SLFN5: variants seen among roughly 807,000 people sequenced by gnomAD.
SLFN5 encodes the protein schlafen family member 5.
A neutral mutation model predicts 48.5 loss-of-function variants in SLFN5; 34 were observed. The ratio of observed to expected loss-of-function variants is 0.70; its 90% confidence interval spans 0.53 to 0.93. SLFN5 has a LOEUF of 0.93. SLFN5 is among the 40% of genes least tolerant of loss of function. The pLI is 0.00. For synonymous variants in SLFN5, 387 were observed against 396.2 expected, an observed-to-expected ratio of 0.98 and a Z score of 0.28; for missense variants, 1,006 against 1,071.3, an observed-to-expected ratio of 0.94 and a Z score of 0.85.
intron 1 of SLFN5, among the ~76,000 whole-genome samples, chr17:35,244,788 C>T (rs979785576): frequency 1.3e-5 from 2 of 152,014 alleles, no homozygotes; most frequent in African/African-American, 4.8e-5. Flanking sequence ...ACAAAAAATG[C>T]AAAAATTAGC....
chr17:35,257,139 T>C (rs938064282), intron 1 of SLFN5, among the ~76,000 whole-genome samples: 3 of 152,170 alleles, frequency 2.0e-5, no homozygotes, highest in African/African-American at 4.8e-5. Context: ...TCCAAGAAAC[T>C]GATCCTGGGG....
In SLFN5 at chr17:35,272,834, C is replaced by CT. The variant is rs1039038675; in HGVS notation, c.*6949dup. ...CAAAATTACTCAGATTGGTAACAAA[C>CT]TTTAAGGGGGAAAGCACTTCCATGC... On this transcript the variant is annotated 3_prime_UTR_variant, in exon 5 of 5. Transcript: ENST00000299977. 2 of 152,146 alleles carry CT rather than the reference C, an allele frequency of 1.3e-5. No homozygotes were observed. Among genetic ancestry groups the CT allele is most frequent in the Non-Finnish European group, 2.9e-5 (2 of 68,020 alleles). 9.4% of individuals were successfully genotyped at this position (152,146 alleles called of 1,614,324 possible).
rs1031190805 is a variant in SLFN5 at position 35,267,611 on chromosome 17, T to A, written c.*1723T>A. ...GATGCACACCTGGAGTCCTAGCTAC[T>A]CAGAAGGCTGAGGCAGGACGATCAC... On this transcript the variant is annotated 3_prime_UTR_variant, in exon 5 of 5. Coordinates refer to ENST00000299977, the MANE Select transcript of SLFN5 (RefSeq NM_144975.4). The A allele has an allele frequency of 1.3e-5, 2 of 152,118 alleles. No homozygotes were observed. The highest frequency in any genetic ancestry group is 2.9e-5 in the Non-Finnish European group (2 of 68,108). The allele number at this position is 152,118 out of a possible 1,614,324, so 9.4% of individuals were successfully genotyped here.
At chr17:35,250,937 T>A (rs1050083620) in intron 1 of SLFN5, among the ~76,000 whole-genome samples, 1 of 152,154 alleles carries the variant, frequency 6.6e-6, no homozygotes, top group Non-Finnish European at 1.5e-5. Flanking sequence ...TTATTGTAAA[T>A]CCCTCACAAA....
At position 35,259,510 on chromosome 17, in the gene SLFN5, A is replaced by G. The variant is rs749189211; in HGVS notation, c.820A>G (p.Ile274Val). The G allele has an allele frequency of 6.2e-7, 1 of 1,614,224 alleles. No individual in the cohort carries two copies. The highest frequency in any genetic ancestry group is 1.7e-5 in the Admixed American group (1 of 60,028). The change falls in exon 2 of 5, where the codon ATA becomes GTA. Residue 274 changes from isoleucine to valine, a missense_variant. Physicochemically the swap from Ile to Val is conservative, Grantham distance 29. Transcript: ENST00000299977. ...VHHFCTQRPE[I>V]KYVLNFLEVH... ...TCATTTCTGCACACAGAGGCCTGAG[A>G]TAAAATATGTCCTTAACTTCCTTGA...
chr17:35,260,025 A>G (rs981678199), intron 2 of SLFN5, among the ~76,000 whole-genome samples: 1 of 152,256 alleles, frequency 6.6e-6, no homozygotes, highest in South Asian at 2.1e-4. Flanking sequence ...TTATTTTTCA[A>G]TTATGAGCTT....
chr17:35,245,720 G>C (rs2092429148), intron 1 of SLFN5, among the ~76,000 whole-genome samples: 1 of 151,858 alleles, frequency 6.6e-6, no homozygotes, highest in Non-Finnish European at 1.5e-5. Context: ...ATCAATATTG[G>C]CTTCTTCATT....
chr17:35,264,721 A>G lies in SLFN5; in HGVS notation c.1677A>G (p.Lys559=). The change falls in exon 4 of 5, where the codon AAA becomes AAG. Residue 559 remains lysine, a synonymous_variant. Transcript: ENST00000299977. ...AGGTTTTGAACCTACTGACAAATAAACAGTATGAGTTGCTTTCAAAGAACC... is the reference window on the plus strand; with the variant it reads ...AGGTTTTGAACCTACTGACAAATAAGCAGTATGAGTTGCTTTCAAAGAACC... ...GSEVLNLLTN[K]QYELLSKNLR... is the part of the protein sequence containing the mutation. 2 of 1,606,648 alleles carry G rather than the reference A, an allele frequency of 1.2e-6. No homozygotes were observed. Among genetic ancestry groups the G allele is most frequent in the South Asian group, 2.2e-5 (2 of 90,004 alleles).
At position 35,272,431 on chromosome 17, in the gene SLFN5, G is replaced by A. The variant is rs1487980197; in HGVS notation, c.*6543G>A. On this transcript the variant is annotated 3_prime_UTR_variant, in exon 5 of 5. Coordinates refer to ENST00000299977, the MANE Select transcript of SLFN5 (RefSeq NM_144975.4). ...ACCAAGTTTTTAAAAGTAAAAATAT[G>A]GAATCATGGAAGTGCATGAAGAAGA... 1 of 151,880 alleles carries A rather than the reference G, an allele frequency of 6.6e-6. No homozygotes were observed. The highest frequency in any genetic ancestry group is 1.5e-5 in the Non-Finnish European group (1 of 67,984). The allele number at this position is 151,880 out of a possible 1,614,324, so 9.4% of individuals were successfully genotyped here.
At chr17:35,249,691 C>T (rs947163755) in intron 1 of SLFN5, among the ~76,000 whole-genome samples, 3 of 152,176 alleles carry the variant, frequency 2.0e-5, no homozygotes, top group African/African-American at 7.2e-5. Context: ...GATATCATGC[C>T]TATGAGTTTA....
rs1236259781 is a variant in SLFN5 at position 35,271,856 on chromosome 17, C to T, written c.*5968C>T. 1 of 152,110 alleles carries T rather than the reference C, an allele frequency of 6.6e-6. No individual in the cohort carries two copies. Among genetic ancestry groups the T allele is most frequent in the Non-Finnish European group, 1.5e-5 (1 of 68,060 alleles). The allele number at this position is 152,110 out of a possible 1,614,324, so 9.4% of individuals were successfully genotyped here. A position where few individuals can be genotyped will look rare whatever the true frequency, so the allele number is the denominator to read the frequency against. On this transcript the variant is annotated 3_prime_UTR_variant, in exon 5 of 5. Coordinates refer to ENST00000299977, the MANE Select transcript of SLFN5 (RefSeq NM_144975.4). ...ACCAGCCTGGACAACATGGTGAAAT[C>T]CCGTCTCTATTTAAAATGCAAGAAA...
In SLFN5 at chr17:35,255,996, G is replaced by A. The variant is rs9915844; in HGVS notation, c.-40-2655G>A. Among the ~76,000 whole-genome samples the A allele has an allele frequency of 7.3e-3, 1,115 of 152,220 alleles. 15 individuals are homozygous for A. The highest frequency in any genetic ancestry group is 0.025 in the African/African-American group (1,046 of 41,530). ...CCTGTTTTTGAACTTCATATAAATG[G>A]AATCATAATAGATGTATTCTGTGGT... On this transcript the variant is annotated intron_variant, in intron 1 of 4. Coordinates refer to ENST00000299977, the MANE Select transcript of SLFN5 (RefSeq NM_144975.4).
rs755007574 is a variant in SLFN5, at chr17:35,258,879, GAA to G, written c.190_191del (p.Asn64GlnfsTer6). On this transcript the variant is annotated frameshift_variant, in exon 2 of 5. Coordinates refer to ENST00000299977, the MANE Select transcript of SLFN5 (RefSeq NM_144975.4). LOFTEE classifies it high-confidence loss of function. ...GGGIIKAEIE[N>X]KGYNYERHGV... ...GGGGCATAATCAAGGCTGAGATTGA[GAA>G]CAAAGGCTACAATTATGAACGTCAT... The G allele has an allele frequency of 3.7e-6, 6 of 1,614,182 alleles. No homozygotes were observed. The highest frequency in any genetic ancestry group is 5.1e-6 in the Non-Finnish European group (6 of 1,180,042).
At chr17:35,256,463 A>G (rs1904345470) in intron 1 of SLFN5, among the ~76,000 whole-genome samples, 1 of 152,220 alleles carries the variant, frequency 6.6e-6, no homozygotes, top group Admixed American at 6.5e-5. Context: ...GCTATTTTGA[A>G]CAGCAATCCT....
At chr17:35,248,062 T>G (rs1213914531) in intron 1 of SLFN5, among the ~76,000 whole-genome samples, 1 of 152,188 alleles carries the variant, frequency 6.6e-6, no homozygotes, top group Non-Finnish European at 1.5e-5. Flanking sequence ...CTACTGATGG[T>G]CAACAGCTCT....
intron 1 of SLFN5, among the ~76,000 whole-genome samples, chr17:35,248,664 C>T (rs900569194): frequency 3.3e-5 from 5 of 151,820 alleles, no homozygotes; most frequent in Non-Finnish European, 7.4e-5. Context: ...CTCTGAATAT[C>T]CATCCCTCTC....
Position 35,259,254 on chromosome 17 carries a change from C to T in SLFN5, c.564C>T (p.Asn188=), listed in dbSNP as rs1222303980. Reference sequence around the variant, plus strand: ...GGCTTCAGTATCTGGAAAAACTCAACCTTCCTGAGTCCACACATGTTGAAT... The same window carrying T: ...GGCTTCAGTATCTGGAAAAACTCAATCTTCCTGAGTCCACACATGTTGAAT... ...RKRLQYLEKL[N]LPESTHVEFV... is the part of the protein sequence containing the mutation. The change falls in exon 2 of 5, where the codon AAC becomes AAT. Residue 188 remains asparagine, a synonymous_variant. Transcript: ENST00000299977. 2 of 1,614,134 alleles carry T rather than the reference C, an allele frequency of 1.2e-6. No individual in the cohort carries two copies. Among genetic ancestry groups the T allele is most frequent in the Admixed American group, 1.7e-5 (1 of 60,028 alleles).
chr17:35,264,525 T>G lies in SLFN5; in HGVS notation c.1481T>G (p.Val494Gly). The G allele has an allele frequency of 6.2e-7, 1 of 1,614,134 alleles. No individual in the cohort carries two copies. The highest frequency in any genetic ancestry group is 8.5e-7 in the Non-Finnish European group (1 of 1,180,020). ...YTGRLCITPL[V>G]CVLNSDRKAQ... ...GGGAGGTTATGCATCACCCCCTTGG[T>G]CTGTGTGCTGAATTCTGATAGAAAA... The change falls in exon 4 of 5, where the codon GTC becomes GGC. Residue 494 changes from valine (V) to glycine (G), a missense_variant. Physicochemically the swap from Val to Gly is moderately radical, Grantham distance 109. Coordinates refer to ENST00000299977, the MANE Select transcript of SLFN5 (RefSeq NM_144975.4).
Position 35,266,067 on chromosome 17 carries a change from C to A in SLFN5, c.*179C>A. ...CTTTAGGGCAGAGACAGACCACTGA[C>A]AAATACACAGATAGACAAGGAATTT... On this transcript the variant is annotated 3_prime_UTR_variant, in exon 5 of 5. Transcript: ENST00000299977. The A allele has an allele frequency of 3.2e-6, 2 of 624,642 alleles. No individual in the cohort carries two copies. Among genetic ancestry groups the A allele is most frequent in the South Asian group, 2.4e-5 (1 of 42,078 alleles). 38.7% of individuals were successfully genotyped at this position (624,642 alleles called of 1,614,324 possible). A position where few individuals can be genotyped will look rare whatever the true frequency, so the allele number is the denominator to read the frequency against.
Sources: gnomAD v4.1 joint callset for allele counts (sites outside exome capture counted in the v4.1 genomes callset) on GRCh38, gnomAD v4.1.1 for gene constraint, MANE v1.5 for transcripts, NCBI Gene and HGNC (gene_info 2026-07-23, HGNC 2026-07-21) for gene names.